Variants in SLC44A1 observed in about 807,000 individuals in gnomAD.
The protein encoded by SLC44A1 is solute carrier family 44 member 1.
In SLC44A1, 26 loss-of-function variants were observed where a neutral mutation model predicts 79.3. The ratio of observed to expected loss-of-function variants is 0.33; its 90% confidence interval spans 0.24 to 0.46. SLC44A1 has a LOEUF of 0.46. Ranked by LOEUF, SLC44A1 falls within the 20% of genes least tolerant of loss-of-function variation. The pLI is 1.00. For missense variants in SLC44A1, 688 were observed against 798.1 expected (o/e 0.86, Z 1.66); for synonymous variants, 263 against 286.2 (o/e 0.92, Z 0.82).
In SLC44A1 at chr9:105,389,819, C is replaced by G; in HGVS notation, c.*763C>G. 1 of 1,409,920 alleles carries G rather than the reference C, an allele frequency of 7.1e-7. No individual in the cohort carries two copies. Among genetic ancestry groups the G allele is most frequent in the South Asian group, 1.7e-5 (1 of 57,712 alleles). The allele number at this position is 1,409,920 out of a possible 1,614,324, so 87.3% of individuals were successfully genotyped here. A position where few individuals can be genotyped will look rare whatever the true frequency, so the allele number is the denominator to read the frequency against. ...TTTCCTTTTTGACTTTAGTAGCATC[C>G]TCCACACATTTGTGTGCCTGATTTG... On this transcript the variant is annotated 3_prime_UTR_variant, in exon 16 of 16. Transcript: ENST00000374720.
chr9:105,371,443 G>T lies in SLC44A1; in HGVS notation c.1495-3155G>T, dbSNP rs1292008124. ...AAAACTTTATTTACAAAAGTAATTG[G>T]CAGGCCAGGTGCGGTGGCTCACGCC... On this transcript the variant is annotated intron_variant, in intron 12 of 15. Coordinates refer to ENST00000374720, the MANE Select transcript of SLC44A1 (RefSeq NM_080546.5). Among the ~76,000 whole-genome samples, 6 of 152,148 alleles carry T rather than the reference G, an allele frequency of 3.9e-5. No homozygotes were observed. The East Asian group carries it at 1.2e-3, about 29-fold the overall frequency.
chr9:105,263,045 T>C (rs1829878002), intron 1 of SLC44A1, among the ~76,000 whole-genome samples: 1 of 152,230 alleles, frequency 6.6e-6, no homozygotes, highest in African/African-American at 2.4e-5. Flanking sequence ...TTTCTAGTCC[T>C]ATTTTAGAAT....
chr9:105,411,855 G>A (rs1271177268), intron 15 of SLC44A1, among the ~76,000 whole-genome samples: 1 of 152,138 alleles, frequency 6.6e-6, no homozygotes, highest in Non-Finnish European at 1.5e-5. Flanking sequence ...CCATTACTGT[G>A]TGCTAACTTT....
chr9:105,265,499 A>T (rs1197321973), intron 1 of SLC44A1, among the ~76,000 whole-genome samples: 1 of 152,244 alleles, frequency 6.6e-6, no homozygotes, highest in Non-Finnish European at 1.5e-5. Context: ...GTAGTATTCC[A>T]TTATATGAAT....
At chr9:105,431,298 T>A (rs912428433) in intron 15 of SLC44A1, among the ~76,000 whole-genome samples, 1 of 152,248 alleles carries the variant, frequency 6.6e-6, no homozygotes, top group African/African-American at 2.4e-5. Context: ...TTCTTTTGCA[T>A]GTGGATATCC....
chr9:105,362,202 A>C lies in SLC44A1; in HGVS notation c.901-619A>C, dbSNP rs567792392. Among the ~76,000 whole-genome samples the C allele has an allele frequency of 4.5e-4, 69 of 152,306 alleles. 1 individual carries two copies. The highest frequency in any genetic ancestry group is 1.5e-3 in the African/African-American group (62 of 41,568). ...CGTCTTCTCTCTGAAAAAAGAAAAA[A>C]AATCAGTCTACTTCTAAGAGCAATC... is the stretch of plus-strand genomic sequence containing the variant. On this transcript the variant is annotated intron_variant, in intron 8 of 15. Coordinates refer to ENST00000374720, the MANE Select transcript of SLC44A1 (RefSeq NM_080546.5).
chr9:105,281,593 A>G (rs1830353667), intron 1 of SLC44A1, among the ~76,000 whole-genome samples: 2 of 152,056 alleles, frequency 1.3e-5, no homozygotes, highest in African/African-American at 4.8e-5. Flanking sequence ...GGAGGTTTGA[A>G]GGTATAGAGG....
At chr9:105,298,134 T>C (rs935360334) in intron 1 of SLC44A1, among the ~76,000 whole-genome samples, 15 of 152,160 alleles carry the variant, frequency 9.9e-5, no homozygotes, top group Middle Eastern at 6.8e-3. Flanking sequence ...GCAGTTGGAA[T>C]TCCAGTCAAT....
At chr9:105,435,836 A>T (rs1436606024) in intron 15 of SLC44A1, among the ~76,000 whole-genome samples, 2 of 152,358 alleles carry the variant, frequency 1.3e-5, no homozygotes, top group East Asian at 3.9e-4. Flanking sequence ...GAAACTAGGC[A>T]TGAGGTAGAT....
At chr9:105,307,359 G>A (rs1007015293) in intron 2 of SLC44A1, among the ~76,000 whole-genome samples, 1 of 151,960 alleles carries the variant, frequency 6.6e-6, no homozygotes, top group Non-Finnish European at 1.5e-5. Flanking sequence ...AACATGTGTT[G>A]GAGGCCACAC....
At chr9:105,269,499 A>G (rs764414796) in intron 1 of SLC44A1, among the ~76,000 whole-genome samples, 3 of 152,194 alleles carry the variant, frequency 2.0e-5, no homozygotes, top group Admixed American at 6.5e-5. Flanking sequence ...CCATTCTTCT[A>G]TCAAAAAAGG....
chr9:105,252,444 A>G (rs1391918614), intron 1 of SLC44A1, among the ~76,000 whole-genome samples: 2 of 152,220 alleles, frequency 1.3e-5, no homozygotes, highest in African/African-American at 4.8e-5. Flanking sequence ...AAAATTCATT[A>G]TAAGAATTTT....
intron 1 of SLC44A1, among the ~76,000 whole-genome samples, chr9:105,254,389 T>A (rs922859394): frequency 1.1e-4 from 16 of 152,300 alleles, no homozygotes; most frequent in Middle Eastern, 3.4e-3. Flanking sequence ...CAAAGGACTC[T>A]GCAATTGATT....
intron 15 of SLC44A1, among the ~76,000 whole-genome samples, chr9:105,431,475 G>T (rs1237320092): frequency 6.6e-6 from 1 of 152,188 alleles, no homozygotes; most frequent in Non-Finnish European, 1.5e-5. Flanking sequence ...ACTGGCATGA[G>T]ATGAGTATAT....
intron 1 of SLC44A1, among the ~76,000 whole-genome samples, chr9:105,295,674 T>C (rs1258546813): frequency 6.6e-6 from 1 of 152,150 alleles, no homozygotes; most frequent in African/African-American, 2.4e-5. Context: ...GAGAAACTAA[T>C]TGAGGTTATT....
intron 2 of SLC44A1, among the ~76,000 whole-genome samples, chr9:105,305,061 C>T (rs1464036917): frequency 7.3e-6 from 1 of 136,490 alleles, no homozygotes; most frequent in Non-Finnish European, 1.5e-5. Flanking sequence ...GTCTTGAACT[C>T]CTGGGTTCAA....
At chr9:105,254,036 A>G (rs575048746) in intron 1 of SLC44A1, among the ~76,000 whole-genome samples, 1 of 151,828 alleles carries the variant, frequency 6.6e-6, no homozygotes, top group Non-Finnish European at 1.5e-5. Flanking sequence ...CCTGTCTTAA[A>G]CAAAGAAACA....
At chr9:105,336,013 T>G (rs777827675) in intron 4 of SLC44A1, among the ~76,000 whole-genome samples, 4 of 152,160 alleles carry the variant, frequency 2.6e-5, no homozygotes, top group Non-Finnish European at 5.9e-5. Context: ...TATGTAAAAT[T>G]TATTTCTTGT....
chr9:105,392,054 G>T lies in SLC44A1; in HGVS notation c.*2998G>T. 1.0e-6 allele frequency: 1 copy of T among 985,142 alleles called. No individual in the cohort carries two copies. The highest frequency in any genetic ancestry group is 1.2e-6 in the Non-Finnish European group (1 of 829,730). The allele number at this position is 985,142 out of a possible 1,614,324, so 61.0% of individuals were successfully genotyped here. A position where few individuals can be genotyped will look rare whatever the true frequency, so the allele number is the denominator to read the frequency against. The stretch of plus-strand genomic sequence containing the variant: ...TGGAAGAGAAAAGTTATATTTCAGT[G>T]TAAATCCAAGAGACCCATCTTCTAT... On this transcript the variant is annotated 3_prime_UTR_variant, in exon 16 of 16. Transcript: ENST00000374720.
Sources: gnomAD v4.1 joint callset for allele counts (sites outside exome capture counted in the v4.1 genomes callset) on GRCh38, gnomAD v4.1.1 for gene constraint, MANE v1.5 for transcripts, NCBI Gene and HGNC (gene_info 2026-07-23, HGNC 2026-07-21) for gene names.